Variants in CDYL2 observed in about 807,000 individuals in gnomAD.
CDYL2 encodes chromodomain Y like 2.
CDYL2 carries 23 observed loss-of-function variants against 49.4 expected under a neutral mutation model. The observed-to-expected ratio is 0.47, with a 90% confidence interval of 0.34 to 0.66. CDYL2 has a LOEUF of 0.66. Ranked by LOEUF, CDYL2 falls within the 30% of genes least tolerant of loss-of-function variation. The pLI, the probability that CDYL2 is intolerant of heterozygous loss-of-function variation, is 0.01. For missense variants in CDYL2, 678 were observed against 656.4 expected, an observed-to-expected ratio of 1.03 and a Z score of -0.36; for synonymous variants, 360 against 268.8, an observed-to-expected ratio of 1.34 and a Z score of -3.32.
At chr16:80,759,519 AAAC>A (rs1418349265) in intron 1 of CDYL2, among the ~76,000 whole-genome samples, 1 of 152,150 alleles carries the variant, frequency 6.6e-6, no homozygotes. Context: ...TCTCATTTTA[AAAC>A]AACAGGCTGA....
At chr16:80,722,603 T>G (rs1166629812) in intron 1 of CDYL2, among the ~76,000 whole-genome samples, 2 of 152,168 alleles carry the variant, frequency 1.3e-5, no homozygotes, top group Non-Finnish European at 2.9e-5. Flanking sequence ...TTTTACAGAT[T>G]AGAAAACTGA....
At chr16:80,706,756 G>A (rs566720047) in intron 1 of CDYL2, among the ~76,000 whole-genome samples, 228 of 152,308 alleles carry the variant, frequency 1.5e-3, no homozygotes, top group African/African-American at 5.2e-3. Context: ...AGTAGAGGCA[G>A]GTTTGGGACT....
At position 80,652,835 on chromosome 16, in the gene CDYL2, T is replaced by G. The variant is rs1374094249; in HGVS notation, c.617-19599A>C. Among the ~76,000 whole-genome samples the G allele has an allele frequency of 3.3e-5, 5 of 152,184 alleles. No individual in the cohort carries two copies. In the East Asian group the frequency reaches 9.7e-4, roughly 29 times the overall value. On this transcript the variant is annotated intron_variant, in intron 2 of 6. Transcript: ENST00000570137. ...CAAACAAATCCCAACTGAGGGACAT[T>G]CTACAAAATACCAAGCAGCTCTCCT...
At chr16:80,611,754 G>A (rs1356721985) in intron 5 of CDYL2, among the ~76,000 whole-genome samples, 2 of 152,222 alleles carry the variant, frequency 1.3e-5, no homozygotes, top group Non-Finnish European at 2.9e-5. Context: ...CTGCCTCACA[G>A]GGGCGTGGAC....
intron 1 of CDYL2, among the ~76,000 whole-genome samples, chr16:80,700,838 C>G (rs1320658430): frequency 6.6e-6 from 1 of 152,208 alleles, no homozygotes; most frequent in African/African-American, 2.4e-5. Context: ...AGGCAGGAAA[C>G]AGAAGAAATG....
chr16:80,626,077 C>A (rs1907284475), intron 3 of CDYL2, among the ~76,000 whole-genome samples: 1 of 151,388 alleles, frequency 6.6e-6, no homozygotes, highest in Admixed American at 6.6e-5. Flanking sequence ...ATTGCCTGAG[C>A]TCAGGAGTTC....
chr16:80,665,525 A>T (rs1201700699), intron 2 of CDYL2, among the ~76,000 whole-genome samples: 1 of 150,682 alleles, frequency 6.6e-6, no homozygotes. Flanking sequence ...AAAAAAAAAA[A>T]ATAGCAAAAA....
chr16:80,779,576 T>A (rs938506858), intron 1 of CDYL2, among the ~76,000 whole-genome samples: 2 of 152,106 alleles, frequency 1.3e-5, no homozygotes, highest in African/African-American at 4.8e-5. Context: ...CTTATACCCC[T>A]GTTTAAAATA....
chr16:80,782,074 T>C (rs923238671), intron 1 of CDYL2, among the ~76,000 whole-genome samples: 1 of 150,576 alleles, frequency 6.6e-6, no homozygotes, highest in Non-Finnish European at 1.5e-5. Context: ...ACAAAAACAA[T>C]AGAGAAAATC....
chr16:80,620,010 G>A (rs1286355599), intron 4 of CDYL2, among the ~76,000 whole-genome samples: 1 of 152,162 alleles, frequency 6.6e-6, no homozygotes, highest in Admixed American at 6.5e-5. Flanking sequence ...CTTCTCATGT[G>A]ACCAGGGGCA....
chr16:80,670,707 T>C (rs778442183), intron 2 of CDYL2, among the ~76,000 whole-genome samples: 39 of 152,160 alleles, frequency 2.6e-4, no homozygotes, highest in Admixed American at 4.6e-4. Context: ...CAGGCTCATT[T>C]TGCCCCAGGG....
At chr16:80,679,759 C>T in intron 2 of CDYL2, 1 of 456,144 alleles carries the variant, frequency 2.2e-6, no homozygotes. Flanking sequence ...ACACCATCTG[C>T]ATTTTCATCT....
intron 1 of CDYL2, among the ~76,000 whole-genome samples, chr16:80,753,540 G>A (rs1262731247): frequency 6.6e-6 from 1 of 152,096 alleles, no homozygotes; most frequent in East Asian, 1.9e-4. Context: ...CTGGGGAGGT[G>A]AAGGTTGTGA....
chr16:80,774,603 C>CTTGA (rs1215520569), intron 1 of CDYL2, among the ~76,000 whole-genome samples: 1 of 152,012 alleles, frequency 6.6e-6, no homozygotes, highest in Non-Finnish European at 1.5e-5. Context: ...TGTTAATTAG[C>CTTGA]TTGATGGAAT....
intron 6 of CDYL2, among the ~76,000 whole-genome samples, chr16:80,606,148 T>C (rs1426809261): frequency 1.3e-5 from 2 of 152,326 alleles, no homozygotes; most frequent in African/African-American, 4.8e-5. Flanking sequence ...CTCACTCCCC[T>C]GCCTGGGCTA....
chr16:80,779,650 T>C (rs1440071272), intron 1 of CDYL2, among the ~76,000 whole-genome samples: 2 of 152,188 alleles, frequency 1.3e-5, no homozygotes, highest in African/African-American at 2.4e-5. Context: ...ATAAAATATA[T>C]GGTACAGCAT....
chr16:80,610,119 G>C (rs189015771), intron 5 of CDYL2, among the ~76,000 whole-genome samples: 1 of 152,140 alleles, frequency 6.6e-6, no homozygotes, highest in Non-Finnish European at 1.5e-5. Context: ...ACAGAACAAG[G>C]GGGAATATCA....
At chr16:80,789,997 A>G (rs997865130) in intron 1 of CDYL2, among the ~76,000 whole-genome samples, 3 of 152,218 alleles carry the variant, frequency 2.0e-5, no homozygotes, top group South Asian at 4.1e-4. Flanking sequence ...AGCCCCCACC[A>G]CTATACATGT....
chr16:80,686,399 A>G (rs1910196828), intron 1 of CDYL2, among the ~76,000 whole-genome samples: 1 of 152,256 alleles, frequency 6.6e-6, no homozygotes, highest in South Asian at 2.1e-4. Context: ...TGAAAAAGTA[A>G]GCAGTTATAT....
Sources: gnomAD v4.1 joint callset for allele counts (sites outside exome capture counted in the v4.1 genomes callset) on GRCh38, gnomAD v4.1.1 for gene constraint, MANE v1.5 for transcripts, NCBI Gene and HGNC (gene_info 2026-07-23, HGNC 2026-07-21) for gene names.